DCDC1: variants seen among roughly 807,000 people sequenced by gnomAD.
DCDC1 encodes the protein doublecortin domain containing 1, also known as doublecortin domain-containing protein 1.
In DCDC1, 200 loss-of-function variants were observed where a neutral mutation model predicts 178.3. That is an observed-to-expected ratio of 1.12 (90% CI 1.00 to 1.26). The LOEUF is 1.26. Ranked by LOEUF, DCDC1 falls within the 50% of genes most tolerant of loss-of-function variation. The pLI is 0.00. For synonymous variants in DCDC1, 690 were observed against 604.8 expected (o/e 1.14, Z -2.07); for missense variants, 1,983 against 1,749.2 (o/e 1.13, Z -2.38).
At chr11:31,137,867 T>C in intron 9 of DCDC1, 83 bp from the exon 10 acceptor site, 1 of 611,132 alleles carries the variant, frequency 1.6e-6, no homozygotes, top group East Asian at 3.0e-5. Context: ...TAGTTAAGCA[T>C]AATCATGAAT....
chr11:31,368,088 T>C (rs1952056800), intron 1 of DCDC1, among the ~76,000 whole-genome samples: 1 of 152,004 alleles, frequency 6.6e-6, no homozygotes, highest in South Asian at 2.1e-4. Context: ...GTAAGTAAGG[T>C]CTAGATATTA....
intron 17 of DCDC1, among the ~76,000 whole-genome samples, chr11:31,085,066 T>A (rs549472949): frequency 6.6e-6 from 1 of 151,866 alleles, no homozygotes; most frequent in Non-Finnish European, 1.5e-5. Flanking sequence ...AGGCCATTGA[T>A]GAACTATCCC....
chr11:30,870,245 CCT>C (rs1312382353), intron 38 of DCDC1, among the ~76,000 whole-genome samples: 1 of 152,086 alleles, frequency 6.6e-6, no homozygotes, highest in East Asian at 1.9e-4. Flanking sequence ...GTGAAAACTC[CCT>C]GAGACACCTC....
At chr11:30,940,933 T>G (rs1363775253) in intron 21 of DCDC1, among the ~76,000 whole-genome samples, 2 of 152,212 alleles carry the variant, frequency 1.3e-5, no homozygotes, top group Non-Finnish European at 1.5e-5. Context: ...CACCTTTTGC[T>G]TTGATTCTAA....
At chr11:31,236,230 T>C (rs1021015113) in intron 9 of DCDC1, among the ~76,000 whole-genome samples, 12 of 152,078 alleles carry the variant, frequency 7.9e-5, no homozygotes, top group African/African-American at 2.4e-4. Flanking sequence ...TAATTACCTA[T>C]GCACAAACTC....
Position 31,132,431 on chromosome 11 carries a change from T to C in DCDC1, c.1315-4792A>G, listed in dbSNP as rs905167917. Among the ~76,000 whole-genome samples, 3 of 152,346 alleles carry C rather than the reference T, an allele frequency of 2.0e-5. No individual in the cohort carries two copies. The East Asian group carries it at 5.8e-4, about 29-fold the overall frequency. ...TACTCATGAATTATTTTACATAATA[T>C]GATTTTTTTTCCCAATCACAGATAT... is the stretch of plus-strand genomic sequence containing the variant. On this transcript the variant is annotated intron_variant, in intron 10 of 38. Coordinates refer to ENST00000684477, the MANE Select transcript of DCDC1 (RefSeq NM_001387274.1).
chr11:30,996,905 C>T (rs1340717991), intron 20 of DCDC1, among the ~76,000 whole-genome samples: 1 of 152,134 alleles, frequency 6.6e-6, no homozygotes, highest in Non-Finnish European at 1.5e-5. Flanking sequence ...TGTATAGCAG[C>T]GTTCATCATC....
chr11:30,936,814 G>C (rs1403835137), intron 21 of DCDC1, among the ~76,000 whole-genome samples: 1 of 152,138 alleles, frequency 6.6e-6, no homozygotes, highest in African/African-American at 2.4e-5. Flanking sequence ...CGACACAAAG[G>C]AATATTTTAT....
intron 1 of DCDC1, among the ~76,000 whole-genome samples, chr11:31,361,833 T>C (rs2133387625): frequency 6.6e-6 from 1 of 152,330 alleles, no homozygotes; most frequent in African/African-American, 2.4e-5. Flanking sequence ...ATCTAGTTTC[T>C]GGACCAGCAT....
At chr11:31,286,979 A>G (rs1044846112) in intron 7 of DCDC1, among the ~76,000 whole-genome samples, 1 of 152,060 alleles carries the variant, frequency 6.6e-6, no homozygotes, top group Non-Finnish European at 1.5e-5. Flanking sequence ...GAAATTGATT[A>G]ACTCCAGAGA....
At chr11:31,298,461 C>T (rs1477400693) in intron 6 of DCDC1, among the ~76,000 whole-genome samples, 1 of 152,160 alleles carries the variant, frequency 6.6e-6, no homozygotes, top group Non-Finnish European at 1.5e-5. Flanking sequence ...TAAGGTTTAG[C>T]ATAACCTTGG....
chr11:31,308,259 T>C (rs1020445001), intron 3 of DCDC1, among the ~76,000 whole-genome samples: 1 of 152,222 alleles, frequency 6.6e-6, no homozygotes, highest in Non-Finnish European at 1.5e-5. Context: ...GCTTGCATAA[T>C]GTTTAAAACA....
chr11:31,223,320 G>A (rs1053469198), intron 9 of DCDC1, among the ~76,000 whole-genome samples: 3 of 152,044 alleles, frequency 2.0e-5, no homozygotes, highest in African/African-American at 7.2e-5. Context: ...GTCACAAAGG[G>A]TATGTATGTA....
At chr11:30,996,901 G>C (rs1226134202) in intron 20 of DCDC1, among the ~76,000 whole-genome samples, 1 of 152,176 alleles carries the variant, frequency 6.6e-6, no homozygotes. Flanking sequence ...AACATGTATA[G>C]CAGCGTTCAT....
chr11:31,090,178 G>A lies in DCDC1; in HGVS notation c.2237+1215C>T, dbSNP rs138764626. Among the ~76,000 whole-genome samples, 129 of 152,270 alleles carry A rather than the reference G, an allele frequency of 8.5e-4. No homozygotes were observed. In the Middle Eastern group the frequency reaches 0.017, roughly 20 times the overall value. On this transcript the variant is annotated intron_variant, in intron 17 of 38. Coordinates refer to ENST00000684477, the MANE Select transcript of DCDC1 (RefSeq NM_001387274.1). ...TGTATTTAGGACTCTATTAGCACTG[G>A]AGAGTTTGCATAACACCAAGCTAAC...
chr11:31,290,757 T>C lies in DCDC1; in HGVS notation c.850A>G (p.Ile284Val), dbSNP rs1278691343. The C allele has an allele frequency of 4.3e-6, 7 of 1,613,526 alleles. No homozygotes were observed. The highest frequency in any genetic ancestry group is 5.9e-6 in the Non-Finnish European group (7 of 1,179,590). ...KRRKTKPVLS[I>V]RMKKLTERTS... ...CTCTCAGTAAGTTTCTTCATTCTAA[T>C]AGAAAGAACAGGCTTGGTTTTCCGT... Residue 284 changes from isoleucine to valine, a missense_variant, in exon 7 of 39, where the codon ATT becomes GTT. Physicochemically the swap from Ile to Val is conservative, Grantham distance 29 (BLOSUM62 3). Coordinates refer to ENST00000684477, the MANE Select transcript of DCDC1 (RefSeq NM_001387274.1).
intron 24 of DCDC1, among the ~76,000 whole-genome samples, chr11:30,921,924 C>A (rs1946272862): frequency 1.3e-5 from 2 of 152,040 alleles, no homozygotes; most frequent in African/African-American, 2.4e-5. Flanking sequence ...GGCTCTGTAG[C>A]AAGGACTGCA....
At chr11:31,364,192 A>C (rs1221062392) in intron 1 of DCDC1, among the ~76,000 whole-genome samples, 2 of 152,230 alleles carry the variant, frequency 1.3e-5, no homozygotes, top group African/African-American at 4.8e-5. Flanking sequence ...TTAAGGCACT[A>C]ATAATATTTT....
chr11:30,987,309 A>G (rs1314479582), intron 20 of DCDC1, among the ~76,000 whole-genome samples: 1 of 152,088 alleles, frequency 6.6e-6, no homozygotes, highest in African/African-American at 2.4e-5. Context: ...GAGCCACCGC[A>G]CCCAGGCTAT....
Sources: allele counts gnomAD v4.1 joint callset (sites outside exome capture counted in the v4.1 genomes callset), GRCh38; gene constraint gnomAD v4.1.1; transcripts MANE v1.5; gene names NCBI Gene and HGNC (gene_info 2026-07-23, HGNC 2026-07-21).